GRAMD4: variants seen among roughly 807,000 people sequenced by gnomAD.
GRAMD4 encodes the protein GRAM domain-containing protein 4.
Under a neutral mutation model 83.9 loss-of-function variants are expected in GRAMD4, and 25 were observed. That is an observed-to-expected ratio of 0.30 (90% CI 0.22 to 0.42). The LOEUF (loss-of-function observed/expected upper bound fraction) is 0.42. Among genes scored for constraint, GRAMD4 ranks in the 10% least tolerant of loss-of-function variants. The pLI is 1.00. For missense variants in GRAMD4, 593 were observed against 788.7 expected (o/e 0.75, Z 2.97); for synonymous variants, 336 against 320.9 (o/e 1.05, Z -0.50).
chr22:46,615,362 CAGGTTCCCCTGTGTGT>C (rs2081467169), intron 1 of GRAMD4, among the ~76,000 whole-genome samples: 2 of 12,332 alleles, frequency 1.6e-4, no homozygotes, highest in South Asian at 0.018. Flanking sequence ...CCTGTGTGTG[CAGGTTCCCCTGTGTGT>C]AGGTTCCCCT....
At chr22:46,626,677 G>C in intron 1 of GRAMD4, 74 bp from the exon 2 acceptor site, 1 of 915,296 alleles carries the variant, frequency 1.1e-6, no homozygotes, top group Admixed American at 2.1e-5. Context: ...GACCGGCTGT[G>C]CCCTGTGTGT....
chr22:46,650,772 G>A (rs551013517), intron 3 of GRAMD4, among the ~76,000 whole-genome samples: 30 of 152,304 alleles, frequency 2.0e-4, no homozygotes, highest in South Asian at 1.0e-3. Context: ...GGCTGATTCT[G>A]CTTCATTCCT....
At chr22:46,580,397 C>T (rs538828318) in intron 1 of GRAMD4, among the ~76,000 whole-genome samples, 1 of 152,330 alleles carries the variant, frequency 6.6e-6, no homozygotes, top group Admixed American at 6.5e-5. Context: ...CTTTTGGTGG[C>T]ACAGCAATGG....
chr22:46,633,429 G>A (rs922394943), intron 2 of GRAMD4, among the ~76,000 whole-genome samples: 4 of 152,242 alleles, frequency 2.6e-5, no homozygotes, highest in African/African-American at 7.2e-5. Flanking sequence ...ATGGATGCCC[G>A]TCCTCTCTTT....
Position 46,672,800 on chromosome 22 carries a change from C to G in GRAMD4, c.1085-43C>G. On this transcript the variant is annotated intron_variant, in intron 13 of 18. Transcript: ENST00000406902. The surrounding 1 kb of genome is among the most constrained non-coding windows in gnomAD (Gnocchi z 4.7). ...CATCACCCTGAGTAGACTGGCATAG[C>G]TGCAGAGCTCTAGATGGAGCAGGCT... is the stretch of plus-strand genomic sequence containing the variant. 6.5e-7 allele frequency: 1 copy of G among 1,533,724 alleles called. No individual in the cohort carries two copies. Among genetic ancestry groups the G allele is most frequent in the Non-Finnish European group, 9.0e-7 (1 of 1,116,242 alleles).
Position 46,610,385 on chromosome 22 carries a change from C to T in GRAMD4, c.-49-16366C>T, listed in dbSNP as rs548635311. Among the ~76,000 whole-genome samples, 10 of 152,346 alleles carry T rather than the reference C, an allele frequency of 6.6e-5. No individual in the cohort carries two copies. In the East Asian group the frequency reaches 1.7e-3, roughly 26 times the overall value. On this transcript the variant is annotated intron_variant, in intron 1 of 1. Transcript: ENST00000431155. Reference sequence around the variant, plus strand: ...GGTCAGTGACAGCCCACGGACCACACACCACCCACTGCCACCTGTTTCTGC... The same window carrying T: ...GGTCAGTGACAGCCCACGGACCACATACCACCCACTGCCACCTGTTTCTGC...
chr22:46,673,875 G>C, intron 15 of GRAMD4, 61 bp downstream of exon 15: 11 of 1,581,726 alleles, frequency 7.0e-6, no homozygotes, highest in Middle Eastern at 1.7e-4. Context: ...GGCCCGTGAG[G>C]GGGGCGCTGT....
chr22:46,655,536 G>C (rs1218476197), intron 3 of GRAMD4, among the ~76,000 whole-genome samples: 1 of 152,158 alleles, frequency 6.6e-6, no homozygotes, highest in African/African-American at 2.4e-5. Flanking sequence ...TGTGTAGGGG[G>C]TGAAGGGCCC....
chr22:46,671,581 G>A (rs929459230), intron 13 of GRAMD4, among the ~76,000 whole-genome samples: 5 of 151,924 alleles, frequency 3.3e-5, no homozygotes, highest in Admixed American at 6.6e-5. Flanking sequence ...GCGTGAACCC[G>A]GGAGGCGGAG....
At chr22:46,579,976 GCTGGGTGGCCTGGTCACCCCCTGC>G (rs1878303328) in intron 1 of GRAMD4, among the ~76,000 whole-genome samples, 3 of 152,304 alleles carry the variant, frequency 2.0e-5, no homozygotes, top group Admixed American at 2.0e-4. Context: ...CCAGGGACTG[GCTGGGTGGCCTGGTCACCCCCTGC>G]CTGAGTTCCT....
chr22:46,655,409 G>A (rs574659134), intron 3 of GRAMD4, among the ~76,000 whole-genome samples: 9 of 152,272 alleles, frequency 5.9e-5, no homozygotes, highest in Admixed American at 3.9e-4. Context: ...GCTTGGAGCC[G>A]GACGGGAGGG....
chr22:46,643,025 A>C (rs1360353547), intron 3 of GRAMD4, among the ~76,000 whole-genome samples: 1 of 151,484 alleles, frequency 6.6e-6, no homozygotes, highest in Admixed American at 6.6e-5. Flanking sequence ...CCCTGGATCC[A>C]TCCATCCCTG....
chr22:46,628,972 G>A (rs1371638428), intron 2 of GRAMD4, among the ~76,000 whole-genome samples: 1 of 152,104 alleles, frequency 6.6e-6, no homozygotes, highest in Non-Finnish European at 1.5e-5. Flanking sequence ...AGGTACAAGG[G>A]GGCTTGAGGG....
At position 46,628,776 on chromosome 22, in the gene GRAMD4, A is replaced by T. The variant is rs142913389; in HGVS notation, c.162+1815A>T. Among the ~76,000 whole-genome samples, 267 of 152,218 alleles carry T rather than the reference A, an allele frequency of 1.8e-3. 1 individual carries two copies. The highest frequency in any genetic ancestry group is 6.0e-3 in the African/African-American group (251 of 41,526). ...GGCAGAACATCTGGATTTGGGGGGC[A>T]TCAGGGATCCCCTTCGGGGGAGGGT... On this transcript the variant is annotated intron_variant, in intron 2 of 18. Coordinates refer to ENST00000406902, the MANE Select transcript of GRAMD4 (RefSeq NM_015124.5).
chr22:46,676,077 C>G (rs1375925381), intron 17 of GRAMD4, among the ~76,000 whole-genome samples: 4 of 152,228 alleles, frequency 2.6e-5, no homozygotes, highest in Non-Finnish European at 4.4e-5. Flanking sequence ...GGTCAGGGCC[C>G]CCAGCTCCCT....
At chr22:46,632,879 G>A (rs1486025160) in intron 2 of GRAMD4, among the ~76,000 whole-genome samples, 2 of 152,216 alleles carry the variant, frequency 1.3e-5, no homozygotes, top group Non-Finnish European at 2.9e-5. Context: ...GAGGGTGCTG[G>A]GCGTGGCGGA....
At chr22:46,590,548 T>G (rs13056310) in intron 1 of GRAMD4, among the ~76,000 whole-genome samples, 74,683 of 152,088 alleles carry the variant, frequency 0.49, 20,398 homozygotes, top group African/African-American at 0.75. Flanking sequence ...GGTGTCTGCC[T>G]GTTGCTCGTG....
At chr22:46,668,261 G>C (rs1324894034) in intron 11 of GRAMD4, 94 bp downstream of exon 11, 2 of 832,726 alleles carry the variant, frequency 2.4e-6, no homozygotes, top group Non-Finnish European at 3.9e-6. Context: ...GGTCTCCGCC[G>C]GCCTCCGCTG....
At chr22:46,658,149 C>A (rs761799059) in intron 3 of GRAMD4, 38 bp from the exon 4 acceptor site, 5 of 1,612,730 alleles carry the variant, frequency 3.1e-6, no homozygotes, top group Non-Finnish European at 4.2e-6. Context: ...GTCGCGTGGA[C>A]ATGAGCGATG....
Sources: gnomAD v4.1 joint callset for allele counts (sites outside exome capture counted in the v4.1 genomes callset) on GRCh38, gnomAD v4.1.1 for gene constraint, Gnocchi (gnomAD v3.1) non-coding constraint, MANE v1.5 for transcripts, NCBI Gene and HGNC (gene_info 2026-07-23, HGNC 2026-07-21) for gene names.